Variants in CNTRL observed in about 807,000 individuals in gnomAD.
The protein encoded by CNTRL is 110 kDa centrosomal protein.
In CNTRL, 233 loss-of-function variants were observed where a neutral mutation model predicts 303.7. The observed-to-expected ratio is 0.77, with a 90% confidence interval of 0.69 to 0.86. CNTRL has a LOEUF of 0.86. CNTRL is among the 40% of genes least tolerant of loss of function. The pLI is 0.00. For synonymous variants in CNTRL, 900 were observed against 922.2 expected, an observed-to-expected ratio of 0.98 and a Z score of 0.44; for missense variants, 2,524 against 2,650.6, an observed-to-expected ratio of 0.95 and a Z score of 1.05.
intron 1 of CNTRL, among the ~76,000 whole-genome samples, chr9:121,078,693 T>C (rs1349285733): frequency 6.6e-6 from 1 of 152,244 alleles, no homozygotes; most frequent in Non-Finnish European, 1.5e-5. Context: ...ACTGACCAGC[T>C]ATAAATCAGA....
At chr9:121,087,170 G>A (rs775615143) in intron 2 of CNTRL, among the ~76,000 whole-genome samples, 2 of 152,168 alleles carry the variant, frequency 1.3e-5, no homozygotes, top group Non-Finnish European at 2.9e-5. Context: ...GATTGACTGA[G>A]TATGGGACAA....
chr9:121,159,941 TGAA>T (rs1273333099), intron 31 of CNTRL, among the ~76,000 whole-genome samples, 199 bp from the exon 32 acceptor site: 4 of 152,192 alleles, frequency 2.6e-5, no homozygotes, highest in Admixed American at 2.0e-4. Context: ...TATATTTAGA[TGAA>T]GAGAATATGT....
chr9:121,128,391 G>A (rs146424431), intron 14 of CNTRL, among the ~76,000 whole-genome samples: 1,718 of 152,256 alleles, frequency 0.011, 11 homozygotes, highest in South Asian at 0.021. Context: ...TTCTCTGATG[G>A]CCAGTGATGA....
intron 38 of CNTRL, 64 bp downstream of exon 38, chr9:121,168,385 A>G: frequency 6.9e-7 from 1 of 1,454,986 alleles, no homozygotes; most frequent in East Asian, 2.3e-5. Flanking sequence ...GTTGTCTTGC[A>G]AAAGTATTTA....
At chr9:121,145,719 A>AC (rs2051807454) in intron 22 of CNTRL, among the ~76,000 whole-genome samples, 1 of 152,024 alleles carries the variant, frequency 6.6e-6, no homozygotes, top group Non-Finnish European at 1.5e-5. Flanking sequence ...ACATGGTGAC[A>AC]CCCTGTCTCT....
At chr9:121,160,729 C>T (rs1436391665) in intron 32 of CNTRL, among the ~76,000 whole-genome samples, 3 of 152,166 alleles carry the variant, frequency 2.0e-5, no homozygotes, top group Admixed American at 2.0e-4. Flanking sequence ...CCTATAATCC[C>T]AGCTCTTTGG....
At chr9:121,081,616 C>A (rs565807288) in intron 2 of CNTRL, among the ~76,000 whole-genome samples, 2 of 152,354 alleles carry the variant, frequency 1.3e-5, no homozygotes, top group African/African-American at 4.8e-5. Flanking sequence ...ATACTACTTA[C>A]ATTTTCCCAT....
intron 13 of CNTRL, 50 bp from the exon 14 acceptor site, chr9:121,125,666 A>G (rs755908304): frequency 6.1e-6 from 9 of 1,472,380 alleles, no homozygotes; most frequent in Middle Eastern, 2.2e-4. Flanking sequence ...TGAGCAGACA[A>G]TGCAGTACTT....
intron 22 of CNTRL, among the ~76,000 whole-genome samples, 180 bp from the exon 23 acceptor site, chr9:121,145,928 A>G (rs940035486): frequency 2.0e-5 from 3 of 152,178 alleles, no homozygotes; most frequent in African/African-American, 7.2e-5. Context: ...TGTATTTGTA[A>G]TTTCAAAATA....
chr9:121,138,754 A>G (rs1190324230), intron 16 of CNTRL, 75 bp downstream of exon 16: 12 of 1,489,100 alleles, frequency 8.1e-6, no homozygotes, highest in African/African-American at 1.4e-5. Context: ...TCAGGCACTT[A>G]GCAACCTGCT....
rs1252283242 is a variant in CNTRL at position 121,158,886 on chromosome 9, T to C, written c.4796T>C (p.Leu1599Ser). 4 of 1,614,118 alleles carry C rather than the reference T, an allele frequency of 2.5e-6. No individual in the cohort carries two copies. The East Asian group carries it at 8.9e-5, about 36-fold the overall frequency. ...VTSQQQEMAV[L>S]DRQLGHKKEE... ...AGTCAGCAGCAGGAGATGGCTGTCT[T>C]GGACAGGCAGTTAGGGCATAAAAAG... The change falls in exon 31 of 44, where the codon TTG (leucine) becomes TCG (serine). Residue 1599 changes from leucine (L) to serine (S), a missense_variant. Leu to Ser is a moderately radical substitution (Grantham distance 145, BLOSUM62 -2). Transcript: ENST00000373855.
Position 121,123,933 on chromosome 9 carries a change from C to T in CNTRL, c.1653C>T (p.Ser551=). Residue 551 remains serine (S), a splice_region_variant and synonymous_variant, in exon 13 of 44, where the codon TCC becomes TCT. Transcript: ENST00000373855. The part of the protein sequence containing the change: ...DSLDSKDPKH[S]HMKAQKSGKE... ...GTTGATTTTTTTTTTTAATTCAGTC[C>T]CATATGAAGGCTCAAAAGAGCGGTA... is the stretch of plus-strand genomic sequence containing the variant. 1.3e-6 allele frequency: 2 copies of T among 1,568,478 alleles called. No individual in the cohort carries two copies. Among genetic ancestry groups the T allele is most frequent in the South Asian group, 1.2e-5 (1 of 82,512 alleles).
chr9:121,135,744 C>T, intron 14 of CNTRL, 62 bp from the exon 15 acceptor site: 1 of 1,448,652 alleles, frequency 6.9e-7, no homozygotes, highest in East Asian at 2.3e-5. Context: ...ACTTATAATG[C>T]CTTGCAAATG....
intron 25 of CNTRL, chr9:121,150,784 C>T (rs1381623641): frequency 3.1e-6 from 1 of 318,786 alleles, no homozygotes; most frequent in Non-Finnish European, 5.8e-6. Context: ...ATACCATGTA[C>T]AGGAGTTAGG....
rs149682422 is a variant in CNTRL, at chr9:121,148,852, C to T, written c.3640C>T (p.Pro1214Ser). Reference sequence around the variant, plus strand: ...CAGGAGTGGGTTACATAAACTGTTTCCAAGTAGAGGTAAGTCAAATCACAT... The same window carrying T: ...CAGGAGTGGGTTACATAAACTGTTTTCAAGTAGAGGTAAGTCAAATCACAT... Reference protein sequence around the residue: ...PIRSGLHKLFPSRDADSGGDS... With the variant: ...PIRSGLHKLFSSRDADSGGDS... The change falls in exon 24 of 44, where the codon CCA (proline) becomes TCA (serine). Residue 1214 changes from proline (P) to serine (S), a missense_variant. By Grantham distance (74) the Pro-to-Ser change is moderately conservative. Coordinates refer to ENST00000373855, the MANE Select transcript of CNTRL (RefSeq NM_007018.6). The T allele has an allele frequency of 1.2e-6, 2 of 1,612,296 alleles. No individual in the cohort carries two copies. The highest frequency in any genetic ancestry group is 1.7e-6 in the Non-Finnish European group (2 of 1,179,368).
intron 38 of CNTRL, among the ~76,000 whole-genome samples, chr9:121,168,861 T>G (rs1385723922): frequency 6.6e-6 from 1 of 152,184 alleles, no homozygotes; most frequent in Non-Finnish European, 1.5e-5. Context: ...TTAATAATGC[T>G]TGGAAAATGT....
chr9:121,091,884 C>CT lies in CNTRL; in HGVS notation c.348+1501dup, dbSNP rs148922615. On this transcript the variant is annotated intron_variant, in intron 4 of 43. Coordinates refer to ENST00000373855, the MANE Select transcript of CNTRL (RefSeq NM_007018.6). ...AGGTCTCAACTTAGTGAGGTCTTCT[C>CT]TTTTTTTTTTTTTTTTTTTTTTGAG... Among the ~76,000 whole-genome samples the CT allele has an allele frequency of 7.3e-3, 548 of 74,886 alleles. 7 individuals are homozygous for CT. Among genetic ancestry groups the CT allele is most frequent in the Non-Finnish European group, 8.3e-3 (317 of 38,408 alleles). The allele number at this position is 74,886 out of a possible 152,430, so 49.1% of individuals were successfully genotyped here.
chr9:121,152,729 G>T (rs760238174), intron 26 of CNTRL, 36 bp downstream of exon 26: 1 of 1,446,142 alleles, frequency 6.9e-7, no homozygotes, highest in Non-Finnish European at 9.6e-7. Flanking sequence ...AGACAAATAC[G>T]ATATTAGTTC....
In CNTRL at chr9:121,177,207, T is replaced by C. The variant is rs1223578155; in HGVS notation, c.*21T>C. The C allele has an allele frequency of 6.2e-7, 1 of 1,601,514 alleles. No individual in the cohort carries two copies. Among genetic ancestry groups the C allele is most frequent in the Non-Finnish European group, 8.5e-7 (1 of 1,171,022 alleles). ...GATGAGGAATACTGTCTTGTGTAAA[T>C]ATATTCAAGGAAAACACCTCCACTA... On this transcript the variant is annotated 3_prime_UTR_variant, in exon 44 of 44. Transcript: ENST00000373855.
Sources: allele counts gnomAD v4.1 joint callset (sites outside exome capture counted in the v4.1 genomes callset), GRCh38; gene constraint gnomAD v4.1.1; transcripts MANE v1.5; gene names NCBI Gene and HGNC (gene_info 2026-07-23, HGNC 2026-07-21).